The following PINK1 variants were observed in gnomAD, a reference collection of about 807,000 sequenced individuals.
PINK1 encodes serine/threonine-protein kinase PINK1, mitochondrial.
In PINK1, 58 loss-of-function variants were observed where a neutral mutation model predicts 56.0. That is an observed-to-expected ratio of 1.04 (90% CI 0.84 to 1.29). The LOEUF (loss-of-function observed/expected upper bound fraction) is 1.29. Among genes scored for constraint, PINK1 ranks in the 50% most tolerant of loss-of-function variants. PINK1 has a pLI of 0.00. For missense variants in PINK1, 745 were observed against 777.9 expected (o/e 0.96, Z 0.50); for synonymous variants, 354 against 339.3 (o/e 1.04, Z -0.48).
intron 1 of PINK1, among the ~76,000 whole-genome samples, chr1:20,636,832 A>G (rs886284263): frequency 1.3e-5 from 2 of 152,138 alleles, no homozygotes; most frequent in African/African-American, 2.4e-5. Context: ...GAGCAATACT[A>G]TAGAAACAGG....
At chr1:20,644,412 TG>T in intron 3 of PINK1, 77 bp from the exon 4 acceptor site, 2 of 1,424,130 alleles carry the variant, frequency 1.4e-6, no homozygotes, top group Admixed American at 1.7e-5. Context: ...GTGCCAGTGT[TG>T]GTGTGGCCTT....
In PINK1 at chr1:20,644,539, C is replaced by T. The variant is rs778009684; in HGVS notation, c.826C>T (p.Arg276Trp). The change falls in exon 4 of 8, where the codon CGG becomes TGG. Residue 276 changes from arginine (R) to tryptophan (W), a missense_variant. Coordinates refer to ENST00000321556, the MANE Select transcript of PINK1 (RefSeq NM_032409.3). ...KQLAPHPNII[R>W]VLRAFTSSVP... Reference sequence around the variant, plus strand: ...ACTAGCCCCTCACCCCAACATCATCCGGGTTCTCCGCGCCTTCACCTCTTC... The same window carrying T: ...ACTAGCCCCTCACCCCAACATCATCTGGGTTCTCCGCGCCTTCACCTCTTC... 60 of 1,614,088 alleles carry T rather than the reference C, an allele frequency of 3.7e-5. No individual in the cohort carries two copies. Among genetic ancestry groups the T allele is most frequent in the East Asian group, 8.9e-5 (4 of 44,892 alleles).
At chr1:20,647,313 T>C (rs557165502) in intron 5 of PINK1, among the ~76,000 whole-genome samples, 2 of 152,000 alleles carry the variant, frequency 1.3e-5, no homozygotes, top group South Asian at 4.2e-4. Context: ...TGCTTCGGCC[T>C]CCCAAAGCGC....
At chr1:20,635,909 A>G (rs2320394) in intron 1 of PINK1, among the ~76,000 whole-genome samples, 127,886 of 152,164 alleles carry the variant, frequency 0.84, 54,017 homozygotes, top group Middle Eastern at 0.9. Context: ...ACTCATGCCT[A>G]TAATCCTGGT....
chr1:20,638,137 C>T lies in PINK1; in HGVS notation c.675+8C>T, dbSNP rs1306229464. The stretch of plus-strand genomic sequence containing the variant: ...ATGATGTGGAACATCTCGGTAAGCA[C>T]CAGGCCTTTCATCTTTAAAGGAGAT... On this transcript the variant is annotated splice_region_variant and intron_variant, in intron 2 of 7. Transcript: ENST00000321556. 1.9e-6 allele frequency: 3 copies of T among 1,609,000 alleles called. No homozygotes were observed. The highest frequency in any genetic ancestry group is 1.1e-5 in the South Asian group (1 of 91,062).
chr1:20,636,978 T>C (rs1049190184), intron 1 of PINK1, among the ~76,000 whole-genome samples: 1 of 152,130 alleles, frequency 6.6e-6, no homozygotes, highest in Non-Finnish European at 1.5e-5. Flanking sequence ...GAGTGACACA[T>C]GAAAGCAACA....
At chr1:20,638,245 A>C in intron 2 of PINK1, 116 bp downstream of exon 2, 2 of 1,264,266 alleles carry the variant, frequency 1.6e-6, no homozygotes, top group Non-Finnish European at 2.2e-6. Context: ...TCCACAGGAA[A>C]GGTGCCTGTA....
rs537679886 is a variant in PINK1, at chr1:20,633,713, G to A, written c.165G>A (p.Glu55=). 426 of 1,524,416 alleles carry A rather than the reference G, an allele frequency of 2.8e-4. 2 individuals carry two copies. The African/African-American group carries it at 5.5e-3, about 20-fold the overall frequency. The allele number at this position is 1,524,416 out of a possible 1,614,324, so 94.4% of individuals were successfully genotyped here. ...GCTGGGCCGCAGGACCGGGCGCGGA[G>A]CCTCGCAGGGTCGGGCTCGGGCTCC... ...RPGWAAGPGA[E]PRRVGLGLPN... The change falls in exon 1 of 8, where the codon GAG becomes GAA. Residue 55 remains glutamate (E), a synonymous_variant. Coordinates refer to ENST00000321556, the MANE Select transcript of PINK1 (RefSeq NM_032409.3).
At chr1:20,647,935 C>A (rs781529614) in intron 5 of PINK1, among the ~76,000 whole-genome samples, 1 of 152,242 alleles carries the variant, frequency 6.6e-6, no homozygotes, top group Non-Finnish European at 1.5e-5. Context: ...GTCTCAGCCT[C>A]CCGAGTAGCT....
rs921520437 is a variant in PINK1, at chr1:20,641,754, A to G, written c.776+1762A>G. ...TCCCGCCTTATCTCTCACCCTTCTC[A>G]TCAGCACCCTACACTCCACCACGCT... On this transcript the variant is annotated intron_variant, in intron 3 of 7. Transcript: ENST00000321556. The surrounding 1 kb of genome is among the most constrained non-coding windows in gnomAD (Gnocchi z 4.0). Among the ~76,000 whole-genome samples the G allele has an allele frequency of 6.6e-6, 1 of 151,806 alleles. No homozygotes were observed. The highest frequency in any genetic ancestry group is 1.5e-5 in the Non-Finnish European group (1 of 67,978).
rs2275922 is a variant in PINK1, at chr1:20,639,815, G to A, written c.676-77G>A. The A allele has an allele frequency of 8.9e-3, 11,881 of 1,339,488 alleles. 373 individuals carry two copies. The highest frequency in any genetic ancestry group is 0.072 in the African/African-American group (4,998 of 69,356). The allele number at this position is 1,339,488 out of a possible 1,614,324, so 83.0% of individuals were successfully genotyped here. A position where few individuals can be genotyped will look rare whatever the true frequency, so the allele number is the denominator to read the frequency against. On this transcript the variant is annotated intron_variant, in intron 2 of 7. Coordinates refer to ENST00000321556, the MANE Select transcript of PINK1 (RefSeq NM_032409.3). Reference sequence around the variant, plus strand: ...CTAGGCAGTAGCTGCCCTGCTCCAGGTTACAGGCAGGGCTTACAAGGAACT... The same window carrying A: ...CTAGGCAGTAGCTGCCCTGCTCCAGATTACAGGCAGGGCTTACAAGGAACT...
At chr1:20,642,753 A>G (rs1219967082) in intron 3 of PINK1, 5 of 152,096 alleles carry the variant, frequency 3.3e-5, no homozygotes, top group African/African-American at 7.2e-5. Context: ...TGCAGCCTCA[A>G]CCTCCCTGGG....
At chr1:20,643,136 T>G (rs1262868002) in intron 3 of PINK1, 1 of 152,334 alleles carries the variant, frequency 6.6e-6, no homozygotes, top group Non-Finnish European at 1.5e-5. Flanking sequence ...ATTTCTTCAC[T>G]CACACTCCCA....
intron 1 of PINK1, among the ~76,000 whole-genome samples, chr1:20,636,594 G>A (rs1472174928): frequency 6.6e-6 from 1 of 152,036 alleles, no homozygotes; most frequent in Non-Finnish European, 1.5e-5. Flanking sequence ...CGCCTCCCTC[G>A]GCCTCCCAAA....
chr1:20,648,841 T>G, intron 6 of PINK1, 154 bp from the exon 7 acceptor site: 4 of 1,236,358 alleles, frequency 3.2e-6, no homozygotes, highest in Non-Finnish European at 4.6e-6. Flanking sequence ...CCAGGTGGTC[T>G]AAGCAGACCC....
intron 6 of PINK1, 77 bp downstream of exon 6, chr1:20,648,709 T>C: frequency 1.3e-6 from 2 of 1,587,640 alleles, no homozygotes; most frequent in Non-Finnish European, 1.7e-6. Context: ...CTCGATGCCT[T>C]GTGATAACCC....
intron 1 of PINK1, among the ~76,000 whole-genome samples, chr1:20,634,566 T>G (rs936481422): frequency 1.3e-5 from 2 of 151,670 alleles, no homozygotes; most frequent in African/African-American, 2.4e-5. Flanking sequence ...CCAAAGTCTG[T>G]ATTAGGGTTC....
rs2053279104 is a variant in PINK1, at chr1:20,651,498, T to TTGTC, written c.*809_*812dup. On this transcript the variant is annotated 3_prime_UTR_variant, in exon 8 of 8. Transcript: ENST00000321556. ...AATCAGCGTCAACATGCAGTAAAGGTTGTCTTCAACTGAGCTGTTCTAGTT... is the reference window on the plus strand; with the variant it reads ...AATCAGCGTCAACATGCAGTAAAGGTTGTCTGTCTTCAACTGAGCTGTTCTAGTT... 1 of 152,350 alleles carries TTGTC rather than the reference T, an allele frequency of 6.6e-6. No homozygotes were observed. The highest frequency in any genetic ancestry group is 2.4e-5 in the African/African-American group (1 of 41,456). 9.4% of individuals were successfully genotyped at this position (152,350 alleles called of 1,614,324 possible).
intron 1 of PINK1, among the ~76,000 whole-genome samples, chr1:20,636,351 T>C (rs2154533595): frequency 6.9e-6 from 1 of 145,018 alleles, no homozygotes; most frequent in East Asian, 2.0e-4. Context: ...TGGATTTTCC[T>C]TTTTTTTTTT....
Sources: allele counts gnomAD v4.1 joint callset (sites outside exome capture counted in the v4.1 genomes callset), GRCh38; gene constraint gnomAD v4.1.1; non-coding constraint Gnocchi (gnomAD v3.1); transcripts MANE v1.5; gene names NCBI Gene and HGNC (gene_info 2026-07-23, HGNC 2026-07-21).